XRCC4: variants seen among roughly 807,000 people sequenced by gnomAD.
XRCC4 encodes the protein DNA repair protein XRCC4.
XRCC4 carries 28 observed loss-of-function variants against 39.1 expected under a neutral mutation model. That is an observed-to-expected ratio of 0.72 (90% confidence interval 0.53 to 0.98). XRCC4 has a LOEUF of 0.98. Ranked by LOEUF, XRCC4 falls within the 50% of genes least tolerant of loss-of-function variation. XRCC4 has a pLI of 0.00. For synonymous variants in XRCC4, 123 were observed against 126.4 expected, an observed-to-expected ratio of 0.97 and a Z score of 0.18; for missense variants, 350 against 376.4, an observed-to-expected ratio of 0.93 and a Z score of 0.58.
intron 7 of XRCC4, among the ~76,000 whole-genome samples, chr5:83,300,274 G>A (rs934170952): frequency 6.6e-6 from 1 of 151,956 alleles, no homozygotes; most frequent in Non-Finnish European, 1.5e-5. Context: ...TCCCAAGTCT[G>A]TAAAAATACC....
intron 3 of XRCC4, among the ~76,000 whole-genome samples, chr5:83,157,744 T>C (rs1226224307): frequency 1.3e-5 from 2 of 151,852 alleles, no homozygotes; most frequent in African/African-American, 4.8e-5. Flanking sequence ...AAAATTAAAA[T>C]AAAAAGAGAT....
At chr5:83,304,892 T>G (rs1021534872) in intron 7 of XRCC4, among the ~76,000 whole-genome samples, 1 of 152,168 alleles carries the variant, frequency 6.6e-6, no homozygotes, top group Non-Finnish European at 1.5e-5. Flanking sequence ...AATTTCTGAG[T>G]TACAAAATAA....
chr5:83,365,959 T>C, the XRCC4 span, among the ~76,000 whole-genome samples: 1 of 152,206 alleles, frequency 6.6e-6, no homozygotes, highest in African/African-American at 2.4e-5. Flanking sequence ...ACTGAAACTG[T>C]GCAAACCTGT....
the XRCC4 span, among the ~76,000 whole-genome samples, chr5:83,367,493 G>C: frequency 6.6e-6 from 1 of 152,080 alleles, no homozygotes; most frequent in Non-Finnish European, 1.5e-5. Flanking sequence ...TTAGGCCTCT[G>C]CTCCTTGCAC....
At chr5:83,092,305 G>T (rs1404551905) in intron 1 of XRCC4, among the ~76,000 whole-genome samples, 4 of 152,106 alleles carry the variant, frequency 2.6e-5, no homozygotes, top group Admixed American at 2.0e-4. Flanking sequence ...AATTCTGTAG[G>T]TTGTCTTTTT....
chr5:83,157,741 A>G (rs1011681416), intron 3 of XRCC4, among the ~76,000 whole-genome samples: 6 of 152,074 alleles, frequency 3.9e-5, no homozygotes, highest in Admixed American at 1.3e-4. Flanking sequence ...AGTAAAATTA[A>G]AATAAAAAGA....
At chr5:83,164,505 A>T (rs1749366379) in intron 3 of XRCC4, among the ~76,000 whole-genome samples, 1 of 152,080 alleles carries the variant, frequency 6.6e-6, no homozygotes, top group African/African-American at 2.4e-5. Flanking sequence ...AGTTCTGGAG[A>T]TCTGTTGTGC....
chr5:83,172,246 G>T (rs1476243258), intron 3 of XRCC4, among the ~76,000 whole-genome samples: 1 of 152,074 alleles, frequency 6.6e-6, no homozygotes, highest in Non-Finnish European at 1.5e-5. Flanking sequence ...GTTGGCTCTG[G>T]ATCCTTCTTT....
At chr5:83,308,302 T>C (rs1755559404) in intron 7 of XRCC4, among the ~76,000 whole-genome samples, 1 of 152,186 alleles carries the variant, frequency 6.6e-6, no homozygotes, top group Admixed American at 6.5e-5. Flanking sequence ...ATAAATATCA[T>C]GGAGAGATGA....
At chr5:83,085,777 G>T (rs28383130) in intron 1 of XRCC4, among the ~76,000 whole-genome samples, 1 of 152,174 alleles carries the variant, frequency 6.6e-6, no homozygotes, top group South Asian at 2.1e-4. Context: ...ATAGAAAATA[G>T]AAGTTTTTGC....
chr5:83,265,591 T>G (rs1010321570), intron 7 of XRCC4, among the ~76,000 whole-genome samples: 1 of 152,194 alleles, frequency 6.6e-6, no homozygotes, highest in Non-Finnish European at 1.5e-5. Flanking sequence ...AGATTGATCA[T>G]ATGCATTATT....
chr5:83,357,180 A>G (rs1390058349), downstream of XRCC4, among the ~76,000 whole-genome samples: 1 of 152,204 alleles, frequency 6.6e-6, no homozygotes, highest in Admixed American at 6.5e-5. Context: ...TTCAACAAAT[A>G]TTTGTAAGTA....
At position 83,296,198 on chromosome 5, in the gene XRCC4, G is replaced by GATATGTA. The variant is rs1755087516; in HGVS notation, c.893+37521_893+37522insATATGTA. On this transcript the variant is annotated intron_variant, in intron 7 of 7. Transcript: ENST00000396027. The stretch of plus-strand genomic sequence containing the variant: ...TATGTAAGTTACATATCTCTCTTGA[G>GATATGTA]TTTGACTTTATTTGATGTAATGTTT... Among the ~76,000 whole-genome samples, 7 of 152,038 alleles carry GATATGTA rather than the reference G, an allele frequency of 4.6e-5. No homozygotes were observed. In the South Asian group the frequency reaches 1.5e-3, roughly 32 times the overall value.
At chr5:83,158,209 T>C (rs1749050261) in intron 3 of XRCC4, among the ~76,000 whole-genome samples, 1 of 152,160 alleles carries the variant, frequency 6.6e-6, no homozygotes, top group South Asian at 2.1e-4. Context: ...TCTTCTGTAA[T>C]GGTCTTTTAT....
chr5:83,213,085 C>T (rs1025970067), intron 6 of XRCC4, among the ~76,000 whole-genome samples: 9 of 151,764 alleles, frequency 5.9e-5, no homozygotes, highest in African/African-American at 1.5e-4. Flanking sequence ...CAGAAGGCAG[C>T]GGTATAGCAT....
intron 3 of XRCC4, among the ~76,000 whole-genome samples, chr5:83,184,588 T>G (rs1750352972): frequency 6.6e-6 from 1 of 152,084 alleles, no homozygotes; most frequent in South Asian, 2.1e-4. Flanking sequence ...GAGAAAAAAA[T>G]TACTCACAAT....
At chr5:83,152,510 G>C (rs1462329788) in intron 3 of XRCC4, among the ~76,000 whole-genome samples, 2 of 151,808 alleles carry the variant, frequency 1.3e-5, no homozygotes, top group Non-Finnish European at 2.9e-5. Flanking sequence ...GCGGGTGCCT[G>C]TAATCCCAGC....
At chr5:83,137,421 A>G (rs1228321290) in intron 3 of XRCC4, among the ~76,000 whole-genome samples, 1 of 152,226 alleles carries the variant, frequency 6.6e-6, no homozygotes, top group Admixed American at 6.5e-5. Context: ...TGAGGCAGCT[A>G]TAGAAATATT....
At chr5:83,081,041 A>G (rs1011213294) in intron 1 of XRCC4, among the ~76,000 whole-genome samples, 2 of 152,318 alleles carry the variant, frequency 1.3e-5, no homozygotes, top group African/African-American at 2.4e-5. Flanking sequence ...AAGGAATTAA[A>G]TTTGTGGTTA....
Sources: allele counts gnomAD v4.1 joint callset (sites outside exome capture counted in the v4.1 genomes callset), GRCh38; gene constraint gnomAD v4.1.1; transcripts MANE v1.5; gene names NCBI Gene and HGNC (gene_info 2026-07-23, HGNC 2026-07-21).